UBR4: variants seen among roughly 807,000 people sequenced by gnomAD.
UBR4 encodes ubiquitin protein ligase E3 component n-recognin 4, also known as E3 ubiquitin-protein ligase UBR4.
A neutral mutation model predicts 575.6 loss-of-function variants in UBR4; 124 were observed. That is an observed-to-expected ratio of 0.22 (90% CI 0.19 to 0.25). The LOEUF is 0.25. Ranked by LOEUF, UBR4 falls within the 10% of genes least tolerant of loss-of-function variation. UBR4 has a pLI of 1.00. For synonymous variants in UBR4, 2,455 were observed against 2,473.7 expected (o/e 0.99, Z 0.22); for missense variants, 4,818 against 6,478.8 (o/e 0.74, Z 8.80).
Position 19,150,770 on chromosome 1 carries a change from C to G in UBR4, c.7237G>C (p.Gly2413Arg). 6.2e-7 allele frequency: 1 copy of G among 1,614,024 alleles called. No homozygotes were observed. The part of the protein sequence containing the change: ...LFIGASVDPA[G>R]VTMIDAVKIY... ...TTTACAGCATCTATCATGGTGACACCTGCTGGATCCACCGAGGCCCCAACT... is the reference window on the plus strand; with the variant it reads ...TTTACAGCATCTATCATGGTGACACGTGCTGGATCCACCGAGGCCCCAACT... Residue 2413 changes from glycine to arginine, a missense_variant, in exon 49 of 106, where the codon GGT (glycine) becomes CGT (arginine). Gly to Arg is a moderately radical substitution (Grantham distance 125). This residue lies in a region of UBR4 where 340 missense variants were observed against 375.4 expected (regional missense o/e 0.91). Transcript: ENST00000375254.
intron 39 of UBR4, 38 bp from the exon 40 acceptor site, chr1:19,158,035 A>G (rs1484734335): frequency 5.0e-6 from 8 of 1,588,042 alleles, no homozygotes; most frequent in Non-Finnish European, 6.0e-6. Context: ...GGCAGTAATG[A>G]GGCAAATAAA....
At chr1:19,190,666 A>G (rs2091999651) in intron 11 of UBR4, among the ~76,000 whole-genome samples, 1 of 152,130 alleles carries the variant, frequency 6.6e-6, no homozygotes, top group African/African-American at 2.4e-5. Flanking sequence ...AAAAATTGTG[A>G]TGTCATCTTT....
intron 60 of UBR4, among the ~76,000 whole-genome samples, chr1:19,131,529 A>G (rs1214362941): frequency 6.6e-6 from 1 of 152,174 alleles, no homozygotes; most frequent in Non-Finnish European, 1.5e-5. Context: ...GAAAATCCTA[A>G]GATATAACAC....
intron 14 of UBR4, among the ~76,000 whole-genome samples, chr1:19,186,037 C>T (rs2091497097): frequency 6.6e-6 from 1 of 152,178 alleles, no homozygotes; most frequent in Non-Finnish European, 1.5e-5. Context: ...TCCCACAAAC[C>T]TGATTATGAA....
chr1:19,111,623 ATT>A lies in UBR4; in HGVS notation c.11802-793_11802-792del, dbSNP rs11314459. 1,006 of 139,536 alleles carry A rather than the reference ATT, an allele frequency of 7.2e-3. 4 individuals are homozygous for A. Among genetic ancestry groups the A allele is most frequent in the Non-Finnish European group, 0.01 (657 of 64,018 alleles). 8.6% of individuals were successfully genotyped at this position (139,536 alleles called of 1,614,324 possible). A position where few individuals can be genotyped will look rare whatever the true frequency, so the allele number is the denominator to read the frequency against. ...TGAGCCTGTTCAGCCCTATTTTTGT[ATT>A]TTTTTTTTTTTTTTGAGACGGAGTC... On this transcript the variant is annotated intron_variant, in intron 78 of 105. Transcript: ENST00000375254.
chr1:19,178,763 T>C (rs1362417602), intron 18 of UBR4, among the ~76,000 whole-genome samples: 2 of 152,208 alleles, frequency 1.3e-5, no homozygotes, highest in African/African-American at 2.4e-5. Context: ...TCCCTGCTTG[T>C]CTTTCAAAAA....
At chr1:19,082,629 A>C (rs2076629740) in intron 102 of UBR4, among the ~76,000 whole-genome samples, 1 of 152,114 alleles carries the variant, frequency 6.6e-6, no homozygotes, top group African/African-American at 2.4e-5. Flanking sequence ...GACAAACACA[A>C]CACTAGAACC....
At position 19,084,533 on chromosome 1, in the gene UBR4, G is replaced by A; in HGVS notation, c.14979C>T (p.Ile4993=). 5 of 1,613,840 alleles carry A rather than the reference G, an allele frequency of 3.1e-6. No individual in the cohort carries two copies. Among genetic ancestry groups the A allele is most frequent in the Non-Finnish European group, 4.2e-6 (5 of 1,179,830 alleles). The change falls in exon 102 of 106, where the codon ATC becomes ATT. Residue 4993 remains isoleucine (I), a synonymous_variant. Coordinates refer to ENST00000375254, the MANE Select transcript of UBR4 (RefSeq NM_020765.3). ...RESNIHLIPY[I]IHTVLYVLNT... is the part of the protein sequence containing the mutation. ...TCAGGACGTAAAGCACAGTGTGAATGATGTACGGGATCAGGTGGATGTTGC... is the reference window on the plus strand; with the variant it reads ...TCAGGACGTAAAGCACAGTGTGAATAATGTACGGGATCAGGTGGATGTTGC...
At position 19,173,602 on chromosome 1, in the gene UBR4, T is replaced by C. The variant is rs1332172514; in HGVS notation, c.3002A>G (p.Tyr1001Cys). ...GATCCTCCACAGTATCAAGAAGTAA[T>C]ATTGAAGGGCACAGGCCTCCTGGAG... ...VTALEACALQ[Y>C]YFLILWRILG... is the part of the protein sequence containing the mutation. Residue 1001 changes from tyrosine to cysteine, a missense_variant, in exon 23 of 106, where the codon TAT becomes TGT. Physicochemically the swap from Tyr to Cys is radical, Grantham distance 194. Transcript: ENST00000375254. The C allele has an allele frequency of 2.5e-6, 4 of 1,614,064 alleles. No homozygotes were observed. The highest frequency in any genetic ancestry group is 1.7e-5 in the Admixed American group (1 of 60,000).
At chr1:19,166,903 A>T in intron 29 of UBR4, 119 bp downstream of exon 29, 1 of 1,223,434 alleles carries the variant, frequency 8.2e-7, no homozygotes, top group Non-Finnish European at 1.1e-6. Flanking sequence ...CTCAGAATAA[A>T]AAAAAAACCA....
chr1:19,161,913 G>C lies in UBR4; in HGVS notation c.4957-16C>G, dbSNP rs147610878. On this transcript the variant is annotated splice_polypyrimidine_tract_variant and intron_variant, in intron 35 of 105. Coordinates refer to ENST00000375254, the MANE Select transcript of UBR4 (RefSeq NM_020765.3). ...AATCTTCATCCTTCAAAAATAATAA[G>C]TCTTTTTAATTCGAAATATATCCCT... 5.0e-6 allele frequency: 8 copies of C among 1,613,784 alleles called. No individual in the cohort carries two copies. The highest frequency in any genetic ancestry group is 6.8e-6 in the Non-Finnish European group (8 of 1,179,886).
intron 16 of UBR4, 38 bp downstream of exon 16, chr1:19,183,978 G>A (rs2091278068): frequency 6.2e-7 from 1 of 1,612,862 alleles, no homozygotes; most frequent in Non-Finnish European, 8.5e-7. Context: ...AACTCCATGA[G>A]AAAAAAAATC....
In UBR4 at chr1:19,162,586, C is replaced by T. The variant is rs533382167; in HGVS notation, c.4790G>A (p.Cys1597Tyr). Residue 1597 changes from cysteine to tyrosine, a missense_variant, in exon 35 of 106, where the codon TGC becomes TAC. This residue lies in a region of UBR4 where 1,172 missense variants were observed against 1,259.7 expected (regional missense o/e 0.93). Transcript: ENST00000375254. The part of the protein sequence containing the change: ...GKHVMILECT[C>Y]HIMSYLADVT... ...ATCAGCCAAGTAAGACATGATATGG[C>T]ATGTGCACTCCAAGATCATCACATG... 6.8e-5 allele frequency: 109 copies of T among 1,613,866 alleles called. 1 individual carries two copies. In the South Asian group the frequency reaches 1.1e-3, roughly 16 times the overall value.
At chr1:19,196,140 T>C (rs1204553906) in intron 8 of UBR4, among the ~76,000 whole-genome samples, 1 of 152,160 alleles carries the variant, frequency 6.6e-6, no homozygotes, top group African/African-American at 2.4e-5. Context: ...TCCTTCATGA[T>C]TACTGCCTTT....
intron 74 of UBR4, among the ~76,000 whole-genome samples, 199 bp downstream of exon 74, chr1:19,115,197 ATG>A (rs112734140): frequency 9.7e-3 from 658 of 67,638 alleles, no homozygotes; most frequent in East Asian, 0.038. Flanking sequence ...TCGTGTGCAC[ATG>A]CACACACACA....
chr1:19,204,135 A>C (rs958964900), intron 1 of UBR4, among the ~76,000 whole-genome samples: 3 of 152,038 alleles, frequency 2.0e-5, no homozygotes, highest in Non-Finnish European at 4.4e-5. Flanking sequence ...AGTAGCTGGG[A>C]TTACAGGTGC....
chr1:19,197,641 T>C (rs1186515419), intron 7 of UBR4, 29 bp downstream of exon 7: 1 of 1,609,892 alleles, frequency 6.2e-7, no homozygotes, highest in Admixed American at 1.7e-5. Flanking sequence ...ACAAAAAAAG[T>C]AAAGCATGTG....
intron 61 of UBR4, 46 bp from the exon 62 acceptor site, chr1:19,128,364 G>T: frequency 6.5e-7 from 1 of 1,527,850 alleles, no homozygotes; most frequent in Non-Finnish European, 9.0e-7. Flanking sequence ...TCCTAAAGAA[G>T]AACGACTTGA....
At position 19,120,190 on chromosome 1, in the gene UBR4, G is replaced by T. The variant is rs1360440374; in HGVS notation, c.10300C>A (p.His3434Asn). 1.2e-6 allele frequency: 2 copies of T among 1,614,098 alleles called. No homozygotes were observed. Among genetic ancestry groups the T allele is most frequent in the Non-Finnish European group, 1.7e-6 (2 of 1,179,970 alleles). The stretch of plus-strand genomic sequence containing the variant: ...AAGCCCTGGCCCTACCTGTAGATGT[G>T]CAGTGTCAGACAGTGGGCCTGCCAG... The part of the protein sequence containing the change: ...VRWQAHCLTL[H>N]IYRNSSKSQQ... The change falls in exon 69 of 106, where the codon CAC becomes AAC. Residue 3434 changes from histidine to asparagine, a missense_variant. Physicochemically the swap from His to Asn is moderately conservative, Grantham distance 68 (BLOSUM62 1). This residue lies in a region of UBR4 where 550 missense variants were observed against 791.5 expected (regional missense o/e 0.69). Coordinates refer to ENST00000375254, the MANE Select transcript of UBR4 (RefSeq NM_020765.3).
Sources: allele counts gnomAD v4.1 joint callset (sites outside exome capture counted in the v4.1 genomes callset), GRCh38; gene constraint gnomAD v4.1.1; regional missense constraint gnomAD v4.1.1; transcripts MANE v1.5; gene names NCBI Gene and HGNC (gene_info 2026-07-23, HGNC 2026-07-21).